ARHGAP19: variants seen among roughly 807,000 people sequenced by gnomAD.
ARHGAP19 encodes Rho GTPase activating protein 19.
A neutral mutation model predicts 60.9 loss-of-function variants in ARHGAP19; 48 were observed. The observed-to-expected ratio is 0.79, with a 90% CI of 0.62 to 1.00. The LOEUF is 1.00. ARHGAP19 is among the 50% of genes least tolerant of loss of function. The probability of loss-of-function intolerance (pLI) is 0.00; values close to 1 mark genes in which losing one functional copy is unlikely to be tolerated. For missense variants in ARHGAP19, 562 were observed against 597.2 expected (o/e 0.94, Z 0.61); for synonymous variants, 209 against 215.5 (o/e 0.97, Z 0.27).
At chr10:97,285,560 T>C (rs1469949015) in intron 1 of ARHGAP19, among the ~76,000 whole-genome samples, 3 of 149,330 alleles carry the variant, frequency 2.0e-5, no homozygotes, top group African/African-American at 7.4e-5. Flanking sequence ...CTCCCTCTGT[T>C]GCCCAGGCTG....
intron 8 of ARHGAP19, among the ~76,000 whole-genome samples, chr10:97,237,824 C>T (rs372172488): frequency 7.9e-5 from 12 of 151,904 alleles, no homozygotes; most frequent in Admixed American, 7.2e-4. Context: ...TGAGCCAAGT[C>T]TGCGTCATTG....
intron 1 of ARHGAP19, among the ~76,000 whole-genome samples, chr10:97,281,180 C>T (rs1477834862): frequency 7.2e-6 from 1 of 139,710 alleles, no homozygotes. Context: ...CCTAGGAGTT[C>T]AAGACCAGTA....
At chr10:97,270,514 T>C in intron 1 of ARHGAP19, 1 of 972,450 alleles carries the variant, frequency 1.0e-6, no homozygotes, top group Non-Finnish European at 1.5e-6. Context: ...AAGAAAAAAC[T>C]ACTATATTTA....
rs985436783 is a variant in ARHGAP19 at position 97,265,706 on chromosome 10, A to T, written c.322+154T>A. ...CTAGACAGTTTTTATAATTTGTATTACTATTACTTAAGGTGTTACTACTTA... is the reference window on the plus strand; with the variant it reads ...CTAGACAGTTTTTATAATTTGTATTTCTATTACTTAAGGTGTTACTACTTA... On this transcript the variant is annotated intron_variant, in intron 2 of 11. Coordinates refer to ENST00000358531, the MANE Select transcript of ARHGAP19 (RefSeq NM_032900.6). 4 of 775,000 alleles carry T rather than the reference A, an allele frequency of 5.2e-6. No individual in the cohort carries two copies. The Admixed American group carries it at 8.2e-5, about 16-fold the overall frequency. The allele number at this position is 775,000 out of a possible 1,614,324, so 48.0% of individuals were successfully genotyped here. A position where few individuals can be genotyped will look rare whatever the true frequency, so the allele number is the denominator to read the frequency against.
intron 4 of ARHGAP19, among the ~76,000 whole-genome samples, chr10:97,262,789 G>A: frequency 6.6e-6 from 1 of 151,900 alleles, no homozygotes; most frequent in East Asian, 1.9e-4. Flanking sequence ...TGAAATATAT[G>A]AATCAATCCA....
intron 6 of ARHGAP19, among the ~76,000 whole-genome samples, chr10:97,251,106 AG>A (rs1336225808): frequency 2.4e-5 from 3 of 123,630 alleles, no homozygotes; most frequent in African/African-American, 6.1e-5. Context: ...GGGAAAAGGA[AG>A]GGGAAGGGGA....
At chr10:97,239,545 A>AGGTTGT (rs1564713401) in intron 8 of ARHGAP19, among the ~76,000 whole-genome samples, 5 of 122,180 alleles carry the variant, frequency 4.1e-5, no homozygotes, top group African/African-American at 1.5e-4. Context: ...AGAGAGAGAG[A>AGGTTGT]GAGAGGGTGT....
chr10:97,266,169 T>A, intron 1 of ARHGAP19, 44 bp from the exon 2 acceptor site: 1 of 1,604,540 alleles, frequency 6.2e-7, no homozygotes, highest in South Asian at 1.1e-5. Context: ...CATTTTTGTA[T>A]GTTTCTTATG....
intron 4 of ARHGAP19, among the ~76,000 whole-genome samples, chr10:97,261,924 T>G (rs754021660): frequency 5.3e-5 from 8 of 152,030 alleles, no homozygotes; most frequent in Non-Finnish European, 1.2e-4. Context: ...AATGGAACAC[T>G]CTCCAAGATA....
intron 4 of ARHGAP19, among the ~76,000 whole-genome samples, chr10:97,260,653 A>T (rs1428298235): frequency 6.6e-6 from 1 of 152,230 alleles, no homozygotes; most frequent in Non-Finnish European, 1.5e-5. Flanking sequence ...GTTGGCAAAG[A>T]TGCAGAGAAA....
At chr10:97,273,372 A>G (rs2134905290) in intron 1 of ARHGAP19, among the ~76,000 whole-genome samples, 1 of 151,694 alleles carries the variant, frequency 6.6e-6, no homozygotes, top group East Asian at 1.9e-4. Flanking sequence ...CATGTTAGCC[A>G]GGCTGGTCTC....
At chr10:97,285,305 T>C (rs1350333439) in intron 1 of ARHGAP19, among the ~76,000 whole-genome samples, 2 of 152,090 alleles carry the variant, frequency 1.3e-5, no homozygotes, top group Non-Finnish European at 2.9e-5. Context: ...AACTGTTATG[T>C]TTTTTAATAC....
In ARHGAP19 at chr10:97,256,311, T is replaced by TA; in HGVS notation, c.927+6dup. On this transcript the variant is annotated splice_region_variant and intron_variant, in intron 6 of 11. Transcript: ENST00000358531. ...CTGTTACCAGCCAAATGCTATCCCTTACCTACCTTAAAAAGTTTCTGGGAG... is the reference window on the plus strand; with the variant it reads ...CTGTTACCAGCCAAATGCTATCCCTTAACCTACCTTAAAAAGTTTCTGGGAG... The TA allele has an allele frequency of 6.2e-7, 1 of 1,608,246 alleles. No homozygotes were observed.
intron 9 of ARHGAP19, among the ~76,000 whole-genome samples, chr10:97,231,979 G>GA (rs1851027530): frequency 9.3e-6 from 1 of 107,866 alleles, no homozygotes; most frequent in Admixed American, 9.2e-5. Context: ...ATTTTCCGTT[G>GA]TTTTTTTTTT....
chr10:97,274,066 C>T (rs1023594922), intron 1 of ARHGAP19, among the ~76,000 whole-genome samples: 2 of 152,028 alleles, frequency 1.3e-5, no homozygotes, highest in Non-Finnish European at 2.9e-5. Context: ...TTTAGAGATA[C>T]TTGCTTAAAT....
chr10:97,243,264 T>C (rs992836588), intron 8 of ARHGAP19, among the ~76,000 whole-genome samples: 2 of 152,156 alleles, frequency 1.3e-5, no homozygotes, highest in African/African-American at 4.8e-5. Flanking sequence ...CCCAAGGAAG[T>C]CCCAGTTGAA....
rs1277077421 is a variant in ARHGAP19 at position 97,292,265 on chromosome 10, T to C, written c.56+307A>G. 4.6e-5 allele frequency among the ~76,000 whole-genome samples: 7 copies of C among 152,298 alleles called. No individual in the cohort carries two copies. The South Asian group carries it at 1.4e-3, about 32-fold the overall frequency. On this transcript the variant is annotated intron_variant, in intron 1 of 11. Transcript: ENST00000358531. ...TTCGCTAACCAGCCCTGGACTTCCG[T>C]TTCCTCGCCATCAAGAGGTGTCTCG... is the stretch of plus-strand genomic sequence containing the variant.
At chr10:97,280,741 C>T (rs534230367) in intron 1 of ARHGAP19, among the ~76,000 whole-genome samples, 1 of 152,262 alleles carries the variant, frequency 6.6e-6, no homozygotes, top group Non-Finnish European at 1.5e-5. Flanking sequence ...AAGGTGTGTG[C>T]CACCACACCT....
chr10:97,248,185 C>T (rs10882879), intron 6 of ARHGAP19, among the ~76,000 whole-genome samples: 4,212 of 152,076 alleles, frequency 0.028, 180 homozygotes, highest in African/African-American at 0.092. Flanking sequence ...GAGGCCAAAG[C>T]GGGTAGATCA....
Sources: gnomAD v4.1 joint callset for allele counts (sites outside exome capture counted in the v4.1 genomes callset) on GRCh38, gnomAD v4.1.1 for gene constraint, MANE v1.5 for transcripts, NCBI Gene and HGNC (gene_info 2026-07-23, HGNC 2026-07-21) for gene names.